QTRT2: variants seen among roughly 807,000 people sequenced by gnomAD.
The protein encoded by QTRT2 is queuine tRNA-ribosyltransferase domain containing 1.
QTRT2 carries 32 observed loss-of-function variants against 44.8 expected under a neutral mutation model. The observed-to-expected ratio is 0.71, with a 90% CI of 0.54 to 0.96. QTRT2 has a LOEUF of 0.96. QTRT2 is among the 40% of genes least tolerant of loss of function. QTRT2 has a pLI of 0.00. For missense variants in QTRT2, 461 were observed against 503.1 expected, an observed-to-expected ratio of 0.92 and a Z score of 0.80; for synonymous variants, 182 against 187.4, an observed-to-expected ratio of 0.97 and a Z score of 0.24.
chr3:114,088,250 GTCTTTT>G lies in QTRT2; in HGVS notation c.*2351_*2356del, dbSNP rs2077261521. The G allele has an allele frequency of 6.6e-6, 1 of 152,042 alleles. No individual in the cohort carries two copies. Among genetic ancestry groups the G allele is most frequent in the Non-Finnish European group, 1.5e-5 (1 of 67,992 alleles). 9.4% of individuals were successfully genotyped at this position (152,042 alleles called of 1,614,324 possible). A position where few individuals can be genotyped will look rare whatever the true frequency, so the allele number is the denominator to read the frequency against. ...TGTCCAATATCGTTCAGTTTCCTGG[GTCTTTT>G]TCTTATTAGCACATTTGAGAAAAAT... On this transcript the variant is annotated 3_prime_UTR_variant, in exon 10 of 10. Coordinates refer to ENST00000281273, the MANE Select transcript of QTRT2 (RefSeq NM_024638.4).
Position 114,080,023 on chromosome 3 carries a change from C to T in QTRT2, c.864C>T (p.Phe288=). The change falls in exon 8 of 10, where the codon TTC becomes TTT. Residue 288 remains phenylalanine, a synonymous_variant. Coordinates refer to ENST00000281273, the MANE Select transcript of QTRT2 (RefSeq NM_024638.4). ...CAGAGCGGGGATGTGCCCTGACTTTCAGTTTTGATTACCAGCCGAATCCTG... is the reference window on the plus strand; with the variant it reads ...CAGAGCGGGGATGTGCCCTGACTTTTAGTTTTGATTACCAGCCGAATCCTG... ...QVTERGCALT[F]SFDYQPNPEE... The T allele has an allele frequency of 6.2e-7, 1 of 1,611,722 alleles. No homozygotes were observed. The highest frequency in any genetic ancestry group is 1.3e-5 in the African/African-American group (1 of 74,926).
Position 114,067,906 on chromosome 3 carries a change from A to G in QTRT2, c.257-81A>G. ...AGAGTTGCTTTATTCAGCAGTACAC[A>G]TTGCGAAGCTGCTCCCTGCTATAAT... On this transcript the variant is annotated intron_variant, in intron 4 of 9. Transcript: ENST00000281273. 3.2e-6 allele frequency: 4 copies of G among 1,237,532 alleles called. No homozygotes were observed. The Admixed American group carries it at 5.1e-5, about 16-fold the overall frequency. 76.7% of individuals were successfully genotyped at this position (1,237,532 alleles called of 1,614,324 possible).
chr3:114,056,963 G>A (rs2076800967), intron 1 of QTRT2, 36 bp from the exon 2 acceptor site: 1 of 1,483,444 alleles, frequency 6.7e-7, no homozygotes, highest in African/African-American at 1.4e-5. Context: ...AACGGTGATT[G>A]TACTCCCGCC....
At chr3:114,066,834 G>A (rs1038648276) in intron 4 of QTRT2, among the ~76,000 whole-genome samples, 2 of 152,170 alleles carry the variant, frequency 1.3e-5, no homozygotes, top group Non-Finnish European at 2.9e-5. Context: ...GAGCTCCAAA[G>A]TAGTCTCATC....
At position 114,085,908 on chromosome 3, in the gene QTRT2, C is replaced by A; in HGVS notation, c.*4C>A. 6.2e-7 allele frequency: 1 copy of A among 1,604,968 alleles called. No individual in the cohort carries two copies. Among genetic ancestry groups the A allele is most frequent in the Non-Finnish European group, 8.5e-7 (1 of 1,171,744 alleles). On this transcript the variant is annotated 3_prime_UTR_variant, in exon 10 of 10. Coordinates refer to ENST00000281273, the MANE Select transcript of QTRT2 (RefSeq NM_024638.4). ...CATCCACAGGCAAGCATCTTGAGAT[C>A]TTGCAAATACAAGTCTCACTCTTCA...
At chr3:114,076,480 T>A (rs2077092103) in intron 6 of QTRT2, among the ~76,000 whole-genome samples, 1 of 152,210 alleles carries the variant, frequency 6.6e-6, no homozygotes, top group African/African-American at 2.4e-5. Context: ...TCTAATTTAA[T>A]CTAAGCCAGA....
In QTRT2 at chr3:114,079,923, G is replaced by T; in HGVS notation, c.764G>T (p.Ser255Ile). The change falls in exon 8 of 10, where the codon AGT becomes ATT. Residue 255 changes from serine to isoleucine, a missense_variant. By Grantham distance (142) the Ser-to-Ile change is moderately radical (BLOSUM62 -2). Coordinates refer to ENST00000281273, the MANE Select transcript of QTRT2 (RefSeq NM_024638.4). ...EDKPRLISGV[S>I]RPDEVLECIE... ...TTTTACAGGCTCATATCTGGTGTTA[G>T]TCGGCCAGATGAGGTGCTCGAGTGT... 6.2e-7 allele frequency: 1 copy of T among 1,613,532 alleles called. No individual in the cohort carries two copies. The highest frequency in any genetic ancestry group is 8.5e-7 in the Non-Finnish European group (1 of 1,179,680).
intron 4 of QTRT2, among the ~76,000 whole-genome samples, chr3:114,066,855 C>T (rs2076960535): frequency 6.6e-6 from 1 of 152,164 alleles, no homozygotes; most frequent in Non-Finnish European, 1.5e-5. Context: ...ATGCTTGAAC[C>T]TCAAACATGC....
rs1308568014 is a variant in QTRT2 at position 114,065,467 on chromosome 3, A to C, written c.200+10A>C. The stretch of plus-strand genomic sequence containing the variant: ...TTACGCTGTCATCCCTGTAAGTGTT[A>C]GAACCAATGATTCAAGTATCAACTG... On this transcript the variant is annotated intron_variant, in intron 3 of 9. Transcript: ENST00000281273. 6.3e-7 allele frequency: 1 copy of C among 1,598,980 alleles called. No individual in the cohort carries two copies. Among genetic ancestry groups the C allele is most frequent in the African/African-American group, 1.3e-5 (1 of 74,624 alleles).
intron 6 of QTRT2, among the ~76,000 whole-genome samples, chr3:114,071,742 T>C (rs537268035): frequency 6.6e-6 from 1 of 152,356 alleles, no homozygotes; most frequent in East Asian, 1.9e-4. Context: ...CATCATCTCT[T>C]ACGTATGTAA....
At chr3:114,059,008 T>C (rs2107781645) in intron 2 of QTRT2, among the ~76,000 whole-genome samples, 1 of 152,318 alleles carries the variant, frequency 6.6e-6, no homozygotes. Flanking sequence ...TCACAAAAAA[T>C]ATGACCATCT....
chr3:114,080,078 C>T (rs1444146903), intron 8 of QTRT2, 21 bp downstream of exon 8: 2 of 1,554,414 alleles, frequency 1.3e-6, no homozygotes, highest in East Asian at 2.3e-5. Context: ...TGAAGTTTAT[C>T]TCTTATCCTT....
intron 6 of QTRT2, among the ~76,000 whole-genome samples, chr3:114,074,907 C>T (rs138238358): frequency 9.9e-5 from 15 of 152,132 alleles, no homozygotes; most frequent in African/African-American, 3.1e-4. Context: ...TAAACAGCTG[C>T]GTAGGAAGCC....
Position 114,076,897 on chromosome 3 carries a change from G to A in QTRT2, c.701G>A (p.Arg234His), listed in dbSNP as rs548508355. 3.2e-5 allele frequency: 52 copies of A among 1,614,168 alleles called. No homozygotes were observed. The highest frequency in any genetic ancestry group is 1.8e-4 in the South Asian group (16 of 91,086). Reference protein sequence around the residue: ...GNPTTLEARLRLLSSVTAELP... With the variant: ...GNPTTLEARLHLLSSVTAELP... Reference sequence around the variant, plus strand: ...CCAACAACCCTGGAGGCTAGACTACGCTTGCTGTCATCAGTCACTGCAGAG... The same window carrying A: ...CCAACAACCCTGGAGGCTAGACTACACTTGCTGTCATCAGTCACTGCAGAG... The change falls in exon 7 of 10, where the codon CGC becomes CAC. Residue 234 changes from arginine to histidine, a missense_variant. Physicochemically the swap from Arg to His is conservative, Grantham distance 29. Coordinates refer to ENST00000281273, the MANE Select transcript of QTRT2 (RefSeq NM_024638.4).
intron 8 of QTRT2, among the ~76,000 whole-genome samples, chr3:114,082,248 ACACACG>A (rs1315862962): frequency 3.3e-5 from 4 of 121,234 alleles, no homozygotes; most frequent in African/African-American, 1.3e-4. Context: ...ACACACACAC[ACACACG>A]CAACCAACAG....
intron 8 of QTRT2, among the ~76,000 whole-genome samples, chr3:114,082,275 GTTTA>G (rs1241705599): frequency 7.9e-6 from 1 of 126,938 alleles, no homozygotes; most frequent in East Asian, 2.4e-4. Context: ...TTAACTTTTG[GTTTA>G]TTTATTTTGC....
chr3:114,074,250 C>T (rs542991412), intron 6 of QTRT2, among the ~76,000 whole-genome samples: 2 of 152,282 alleles, frequency 1.3e-5, no homozygotes, highest in South Asian at 4.1e-4. Flanking sequence ...GCTGATTCCT[C>T]AAATTCAGAA....
In QTRT2 at chr3:114,057,120, G is replaced by C. The variant is rs2076804821; in HGVS notation, c.-22+14G>C. 1.8e-5 allele frequency: 23 copies of C among 1,306,746 alleles called. 1 individual carries two copies. The South Asian group carries it at 4.4e-4, about 25-fold the overall frequency. The allele number at this position is 1,306,746 out of a possible 1,614,324, so 80.9% of individuals were successfully genotyped here. On this transcript the variant is annotated intron_variant, in intron 2 of 9. Transcript: ENST00000281273. The stretch of plus-strand genomic sequence containing the variant: ...CTCTGCTGAAAGGTAGAGTTTTCAG[G>C]AAGTTTTTATTCCGAACTGCCCATG...
Position 114,082,740 on chromosome 3 carries a change from C to T in QTRT2, c.962C>T (p.Thr321Ile), listed in dbSNP as rs1321616464. ...KCMDQIKKIE[T>I]TGCNQEITSF... ...ATGGATCAAATAAAGAAAATTGAAA[C>T]AACTGGTTGCAACCAAGAAATAACA... The change falls in exon 9 of 10, where the codon ACA (threonine) becomes ATA (isoleucine). Residue 321 changes from threonine (T) to isoleucine (I), a missense_variant. By Grantham distance (89) the Thr-to-Ile change is moderately conservative (BLOSUM62 -1). Transcript: ENST00000281273. The T allele has an allele frequency of 2.0e-6, 3 of 1,524,934 alleles. No individual in the cohort carries two copies. Among genetic ancestry groups the T allele is most frequent in the African/African-American group, 2.8e-5 (2 of 71,866 alleles). The allele number at this position is 1,524,934 out of a possible 1,614,324, so 94.5% of individuals were successfully genotyped here. A position where few individuals can be genotyped will look rare whatever the true frequency, so the allele number is the denominator to read the frequency against.
Sources: allele counts gnomAD v4.1 joint callset (sites outside exome capture counted in the v4.1 genomes callset), GRCh38; gene constraint gnomAD v4.1.1; transcripts MANE v1.5; gene names NCBI Gene and HGNC (gene_info 2026-07-23, HGNC 2026-07-21).